Variants in MARCHF1 observed in about 807,000 individuals in gnomAD.
MARCHF1 encodes the protein E3 ubiquitin-protein ligase MARCHF1.
In MARCHF1, 40 loss-of-function variants were observed where a neutral mutation model predicts 54.2. That is an observed-to-expected ratio of 0.74 (90% CI 0.57 to 0.96). The LOEUF is 0.96. Among genes scored for constraint, MARCHF1 ranks in the 40% least tolerant of loss-of-function variants. The pLI is 0.00. For missense variants in MARCHF1, 586 were observed against 656.5 expected, an observed-to-expected ratio of 0.89 and a Z score of 1.17; for synonymous variants, 236 against 236.3, an observed-to-expected ratio of 1.00 and a Z score of 0.01.
chr4:164,205,513 T>C (rs985587350), intron 1 of MARCHF1, among the ~76,000 whole-genome samples: 3 of 152,180 alleles, frequency 2.0e-5, no homozygotes, highest in East Asian at 1.9e-4. Flanking sequence ...TCATCCTCAA[T>C]TGATTGCCTA....
At chr4:164,068,691 G>C (rs1305939927) in intron 2 of MARCHF1, among the ~76,000 whole-genome samples, 1 of 152,238 alleles carries the variant, frequency 6.6e-6, no homozygotes, top group East Asian at 1.9e-4. Flanking sequence ...GCCGCCCCCT[G>C]CTCCATGGCC....
intron 2 of MARCHF1, among the ~76,000 whole-genome samples, chr4:164,036,496 A>C (rs1008789597): frequency 1.3e-5 from 2 of 152,220 alleles, no homozygotes; most frequent in Non-Finnish European, 2.9e-5. Flanking sequence ...TGTGGAATAC[A>C]TAAATTGATA....
At chr4:164,093,441 A>G (rs887055510) in intron 2 of MARCHF1, among the ~76,000 whole-genome samples, 5 of 152,174 alleles carry the variant, frequency 3.3e-5, no homozygotes, top group Non-Finnish European at 1.5e-5. Flanking sequence ...GGTTGCAAAT[A>G]GACACTGAGA....
chr4:163,757,848 C>T (rs1746721984), intron 4 of MARCHF1, among the ~76,000 whole-genome samples: 1 of 152,176 alleles, frequency 6.6e-6, no homozygotes, highest in Non-Finnish European at 1.5e-5. Context: ...AGGACTGGAG[C>T]ATTAGCATGC....
In MARCHF1 at chr4:163,593,831, A is replaced by C. The variant is rs576887350; in HGVS notation, c.1011-7902T>G. On this transcript the variant is annotated intron_variant, in intron 7 of 9. Transcript: ENST00000514618. ...AATACTGATGTTTTACAGCAGTTCC[A>C]ACCACATTGAGTGAAGAATGATCAA... is the stretch of plus-strand genomic sequence containing the variant. 4.6e-5 allele frequency among the ~76,000 whole-genome samples: 7 copies of C among 152,362 alleles called. No individual in the cohort carries two copies. The South Asian group carries it at 1.4e-3, about 32-fold the overall frequency.
rs145170092 is a variant in MARCHF1 at position 164,159,691 on chromosome 4, G to A, written c.-322-48029C>T. 3.3e-3 allele frequency among the ~76,000 whole-genome samples: 510 copies of A among 152,278 alleles called. 4 individuals carry two copies. The highest frequency in any genetic ancestry group is 4.9e-3 in the Non-Finnish European group (330 of 68,018). ...GTGCAGAAACGTTTTTAATATCAGT[G>A]TAAAGGAGCTATAAAGGAAATATTT... On this transcript the variant is annotated intron_variant, in intron 1 of 9. Transcript: ENST00000514618.
At chr4:164,040,443 T>G (rs1754104271) in intron 2 of MARCHF1, among the ~76,000 whole-genome samples, 1 of 147,690 alleles carries the variant, frequency 6.8e-6, no homozygotes, top group South Asian at 2.1e-4. Context: ...TATATAGGTA[T>G]ATCCTTGTAT....
At chr4:164,185,818 A>C (rs916111812) in intron 1 of MARCHF1, among the ~76,000 whole-genome samples, 14 of 148,496 alleles carry the variant, frequency 9.4e-5, no homozygotes, top group East Asian at 2.0e-4. Flanking sequence ...ACAAAAAAAA[A>C]AACATTTCAA....
intron 1 of MARCHF1, among the ~76,000 whole-genome samples, chr4:164,267,403 GTCTC>G (rs1175695959): frequency 1.3e-5 from 2 of 152,166 alleles, no homozygotes; most frequent in African/African-American, 2.4e-5. Context: ...CCCTCTCCCT[GTCTC>G]TCTTTCTTTT....
chr4:163,543,094 C>G (rs752967202), intron 9 of MARCHF1, among the ~76,000 whole-genome samples: 3 of 152,066 alleles, frequency 2.0e-5, no homozygotes, highest in African/African-American at 7.2e-5. Flanking sequence ...AGCATAGTCC[C>G]ACTGAGGAAT....
intron 1 of MARCHF1, among the ~76,000 whole-genome samples, chr4:164,129,836 G>A: frequency 6.6e-6 from 1 of 152,056 alleles, no homozygotes; most frequent in Non-Finnish European, 1.5e-5. Context: ...TGGATCCTGG[G>A]CTTAATAACC....
At chr4:164,337,959 T>C (rs7696155) in intron 1 of MARCHF1, among the ~76,000 whole-genome samples, 82,420 of 152,046 alleles carry the variant, frequency 0.54, 22,950 homozygotes, top group East Asian at 0.65. Flanking sequence ...TGCCTAAGTA[T>C]CTCAGAATTC....
At chr4:164,369,941 T>A (rs1384001386) in intron 1 of MARCHF1, among the ~76,000 whole-genome samples, 1 of 152,186 alleles carries the variant, frequency 6.6e-6, no homozygotes, top group African/African-American at 2.4e-5. Context: ...ATTTAGAACA[T>A]GTATCTTTTT....
intron 3 of MARCHF1, among the ~76,000 whole-genome samples, chr4:163,933,339 A>G (rs1751723187): frequency 1.3e-5 from 2 of 152,194 alleles, no homozygotes; most frequent in Non-Finnish European, 2.9e-5. Context: ...TTCCTATAGC[A>G]AAGAAACCCA....
rs539248480 is a variant in MARCHF1, at chr4:164,332,562, G to A, written c.-323+51308C>T. Among the ~76,000 whole-genome samples the A allele has an allele frequency of 2.6e-5, 4 of 152,234 alleles. No homozygotes were observed. In the East Asian group the frequency reaches 5.8e-4, roughly 22 times the overall value. ...CTTGTGAGTTCTAGGGGCAACATTCGTGAGACAGCTGGGTTCCTGAGAACA... is the reference window on the plus strand; with the variant it reads ...CTTGTGAGTTCTAGGGGCAACATTCATGAGACAGCTGGGTTCCTGAGAACA... On this transcript the variant is annotated intron_variant, in intron 1 of 9. Coordinates refer to ENST00000514618, the MANE Select transcript of MARCHF1 (RefSeq NM_001394959.1).
intron 4 of MARCHF1, among the ~76,000 whole-genome samples, chr4:163,827,008 C>T (rs908074346): frequency 1.8e-4 from 28 of 151,806 alleles, no homozygotes; most frequent in African/African-American, 5.1e-4. Flanking sequence ...GCGCAATTAA[C>T]GACTACAAAA....
At chr4:164,142,094 G>C (rs929561158) in intron 1 of MARCHF1, among the ~76,000 whole-genome samples, 1 of 152,308 alleles carries the variant, frequency 6.6e-6, no homozygotes, top group South Asian at 2.1e-4. Flanking sequence ...ACTCCCACCC[G>C]AATACTGTGC....
intron 1 of MARCHF1, among the ~76,000 whole-genome samples, chr4:164,166,112 G>C (rs959507195): frequency 2.6e-5 from 4 of 151,944 alleles, no homozygotes; most frequent in African/African-American, 9.7e-5. Context: ...ACTGGAATTT[G>C]GGATAAGAAA....
chr4:164,168,385 T>G (rs1487250241), intron 1 of MARCHF1, among the ~76,000 whole-genome samples: 6 of 151,980 alleles, frequency 3.9e-5, no homozygotes, highest in Non-Finnish European at 1.5e-5. Flanking sequence ...CAGTAATAAT[T>G]TTTCTGTGTA....
Sources: allele counts gnomAD v4.1 joint callset (sites outside exome capture counted in the v4.1 genomes callset), GRCh38; gene constraint gnomAD v4.1.1; transcripts MANE v1.5; gene names NCBI Gene and HGNC (gene_info 2026-07-23, HGNC 2026-07-21).